Variants in GALNT18 observed in about 807,000 individuals in gnomAD.
GALNT18 encodes the protein polypeptide N-acetylgalactosaminyltransferase 18.
Under a neutral mutation model 69.5 loss-of-function variants are expected in GALNT18, and 44 were observed. The observed-to-expected ratio is 0.63, with a 90% CI of 0.50 to 0.81. The LOEUF (loss-of-function observed/expected upper bound fraction) is 0.81. Among genes scored for constraint, GALNT18 ranks in the 40% least tolerant of loss-of-function variants. The pLI is 0.00. For synonymous variants in GALNT18, 364 were observed against 318.2 expected (o/e 1.14, Z -1.53); for missense variants, 715 against 810.0 (o/e 0.88, Z 1.42).
At position 11,332,564 on chromosome 11, in the gene GALNT18, C is replaced by T. The variant is rs1167860029; in HGVS notation, c.1416+130G>A. The T allele has an allele frequency of 1.9e-5, 19 of 1,003,706 alleles. No homozygotes were observed. In the East Asian group the frequency reaches 2.6e-4, roughly 14 times the overall value. The allele number at this position is 1,003,706 out of a possible 1,614,324, so 62.2% of individuals were successfully genotyped here. ...GCTGTCTTGCAGGTGCAGAACCCAG[C>T]GCCCGGTCCCCAGGCCTACTGCAGT... is the stretch of plus-strand genomic sequence containing the variant. On this transcript the variant is annotated intron_variant, in intron 8 of 10. Coordinates refer to ENST00000227756, the MANE Select transcript of GALNT18 (RefSeq NM_198516.3). The surrounding 1 kb of genome is among the most constrained non-coding windows in gnomAD (Gnocchi z 4.3).
rs556523670 is a variant in GALNT18, at chr11:11,366,903, C to T, written c.1092+5612G>A. 9.2e-5 allele frequency among the ~76,000 whole-genome samples: 14 copies of T among 152,274 alleles called. No individual in the cohort carries two copies. The South Asian group carries it at 2.9e-3, about 32-fold the overall frequency. The stretch of plus-strand genomic sequence containing the variant: ...AAAAACCTAGGAGAGGGGATGAAAA[C>T]TGGCAGACTAGGACAACAGAAAGAT... On this transcript the variant is annotated intron_variant, in intron 6 of 10. Coordinates refer to ENST00000227756, the MANE Select transcript of GALNT18 (RefSeq NM_198516.3).
rs1211772568 is a variant in GALNT18 at position 11,612,006 on chromosome 11, T to C, written c.235+9353A>G. On this transcript the variant is annotated intron_variant, in intron 1 of 10. Coordinates refer to ENST00000227756, the MANE Select transcript of GALNT18 (RefSeq NM_198516.3). Reference sequence around the variant, plus strand: ...CCTCTGAGCTTACACTCAAACACCATGTTTGATAAGATGATCTCCCATTCC... The same window carrying C: ...CCTCTGAGCTTACACTCAAACACCACGTTTGATAAGATGATCTCCCATTCC... Among the ~76,000 whole-genome samples, 4 of 152,144 alleles carry C rather than the reference T, an allele frequency of 2.6e-5. No individual in the cohort carries two copies. In the South Asian group the frequency reaches 6.2e-4, roughly 24 times the overall value.
chr11:11,522,266 C>T (rs1184625025), intron 1 of GALNT18, among the ~76,000 whole-genome samples: 1 of 152,210 alleles, frequency 6.6e-6, no homozygotes. Flanking sequence ...CTCTATGCCC[C>T]ATCTCTGAGA....
Position 11,538,903 on chromosome 11 carries a change from T to C in GALNT18, c.235+82456A>G, listed in dbSNP as rs1449266202. ...AACCTTCAGAGATCCCAGTAAAAGA[T>C]GCTTTGTCAACAGAGGTGCCCCCCA... On this transcript the variant is annotated intron_variant, in intron 1 of 10. Coordinates refer to ENST00000227756, the MANE Select transcript of GALNT18 (RefSeq NM_198516.3). This position sits in a 1 kb window ranked among gnomAD's most constrained non-coding sequence, Gnocchi z 5.2. 6.6e-6 allele frequency among the ~76,000 whole-genome samples: 1 copy of C among 152,132 alleles called. No individual in the cohort carries two copies. Among genetic ancestry groups the C allele is most frequent in the Non-Finnish European group, 1.5e-5 (1 of 68,016 alleles).
In GALNT18 at chr11:11,337,791, T is replaced by C. The variant is rs951698350; in HGVS notation, c.1278+3028A>G. Among the ~76,000 whole-genome samples the C allele has an allele frequency of 6.6e-6, 1 of 151,968 alleles. No individual in the cohort carries two copies. The highest frequency in any genetic ancestry group is 1.5e-5 in the Non-Finnish European group (1 of 68,006). On this transcript the variant is annotated intron_variant, in intron 7 of 10. Transcript: ENST00000227756. This position sits in a 1 kb window ranked among gnomAD's most constrained non-coding sequence, Gnocchi z 4.9. ...GACGGTATGTAATGGGCAGTTCCCA[T>C]AGTCCACGCAACGTATGCAGACTTC...
rs1037122541 is a variant in GALNT18, at chr11:11,389,600, T to C, written c.596-10336A>G. On this transcript the variant is annotated intron_variant, in intron 3 of 10. Transcript: ENST00000227756. This position sits in a 1 kb window ranked among gnomAD's most constrained non-coding sequence, Gnocchi z 4.3. The stretch of plus-strand genomic sequence containing the variant: ...TAAAAATGCCATGATAGGTGACTGA[T>C]GTCAGCTGTGTCCAGGCAGGAGTGG... Among the ~76,000 whole-genome samples the C allele has an allele frequency of 2.0e-5, 3 of 152,194 alleles. No homozygotes were observed. The highest frequency in any genetic ancestry group is 7.2e-5 in the African/African-American group (3 of 41,458).
chr11:11,619,576 C>T lies in GALNT18; in HGVS notation c.235+1783G>A, dbSNP rs1376829514. ...CCTCCTGCCTGACCAGAAAGAAAAG[C>T]ACAAGAGAATCATTTTCCAGGAACA... On this transcript the variant is annotated intron_variant, in intron 1 of 10. Coordinates refer to ENST00000227756, the MANE Select transcript of GALNT18 (RefSeq NM_198516.3). The surrounding 1 kb of genome is among the most constrained non-coding windows in gnomAD (Gnocchi z 4.9). Among the ~76,000 whole-genome samples the T allele has an allele frequency of 6.6e-6, 1 of 152,088 alleles. No homozygotes were observed. Among genetic ancestry groups the T allele is most frequent in the Non-Finnish European group, 1.5e-5 (1 of 68,016 alleles).
At chr11:11,508,084 T>C (rs1298131158) in intron 1 of GALNT18, among the ~76,000 whole-genome samples, 1 of 152,232 alleles carries the variant, frequency 6.6e-6, no homozygotes, top group Non-Finnish European at 1.5e-5. Flanking sequence ...TAATATACAT[T>C]CCATGTTTAA....
At position 11,315,022 on chromosome 11, in the gene GALNT18, G is replaced by C. The variant is rs889422325; in HGVS notation, c.1512+12064C>G. 6.7e-6 allele frequency among the ~76,000 whole-genome samples: 1 copy of C among 148,190 alleles called. No homozygotes were observed. The highest frequency in any genetic ancestry group is 2.5e-5 in the African/African-American group (1 of 39,882). ...ATACTGAAAGTGTCTAGCAGAGATG[G>C]ACACATACTAATTATATGTGTGTGT... On this transcript the variant is annotated intron_variant, in intron 9 of 10. Coordinates refer to ENST00000227756, the MANE Select transcript of GALNT18 (RefSeq NM_198516.3). This position sits in a 1 kb window ranked among gnomAD's most constrained non-coding sequence, Gnocchi z 5.6.
rs756301017 is a variant in GALNT18, at chr11:11,415,411, T to C, written c.595+17210A>G. ...AGTTGCCGAATGAGAAAATAACGTG[T>C]CCTTGTAGCCACCTACTTGTATAAT... is the stretch of plus-strand genomic sequence containing the variant. On this transcript the variant is annotated intron_variant, in intron 3 of 10. Coordinates refer to ENST00000227756, the MANE Select transcript of GALNT18 (RefSeq NM_198516.3). The surrounding 1 kb of genome is among the most constrained non-coding windows in gnomAD (Gnocchi z 4.1). Among the ~76,000 whole-genome samples, 12 of 152,204 alleles carry C rather than the reference T, an allele frequency of 7.9e-5. No homozygotes were observed. Among genetic ancestry groups the C allele is most frequent in the South Asian group, 2.1e-4 (1 of 4,828 alleles).
At chr11:11,408,383 A>C (rs980765859) in intron 3 of GALNT18, among the ~76,000 whole-genome samples, 2 of 133,914 alleles carry the variant, frequency 1.5e-5, no homozygotes, top group Non-Finnish European at 3.1e-5. Flanking sequence ...AAAAAAAAAA[A>C]AAAAAAAGGA....
At chr11:11,304,817 A>G (rs1342915258) in intron 9 of GALNT18, among the ~76,000 whole-genome samples, 6 of 152,196 alleles carry the variant, frequency 3.9e-5, no homozygotes, top group African/African-American at 1.4e-4. Flanking sequence ...CATGTGATAC[A>G]CTGTCTTTTT....
chr11:11,349,085 T>C (rs780146695), intron 6 of GALNT18, among the ~76,000 whole-genome samples: 73 of 152,258 alleles, frequency 4.8e-4, no homozygotes, highest in Non-Finnish European at 3.7e-4. Flanking sequence ...TGCCTGTTTG[T>C]GAACGCTATA....
chr11:11,346,239 C>T (rs1485120620), intron 6 of GALNT18, among the ~76,000 whole-genome samples: 4 of 152,144 alleles, frequency 2.6e-5, no homozygotes, highest in South Asian at 4.1e-4. Flanking sequence ...GCCATGGAAA[C>T]AGGATCGTGT....
intron 1 of GALNT18, among the ~76,000 whole-genome samples, chr11:11,526,265 T>A (rs1308302972): frequency 6.6e-6 from 1 of 152,090 alleles, no homozygotes; most frequent in African/African-American, 2.4e-5. Context: ...CCGCAAGCCA[T>A]GGGCCCGGCC....
intron 1 of GALNT18, among the ~76,000 whole-genome samples, chr11:11,569,917 A>G (rs4910386): frequency 0.81 from 123,766 of 152,014 alleles, 50,484 homozygotes; most frequent in East Asian, 0.86. Context: ...AGGAAAGAGA[A>G]GAACTTTGGT....
In GALNT18 at chr11:11,293,259, G is replaced by T. The variant is rs1045614537; in HGVS notation, c.1513-66C>A. The T allele has an allele frequency of 4.7e-6, 6 of 1,267,838 alleles. No individual in the cohort carries two copies. In the East Asian group the frequency reaches 1.1e-4, roughly 24 times the overall value. The allele number at this position is 1,267,838 out of a possible 1,614,324, so 78.5% of individuals were successfully genotyped here. A position where few individuals can be genotyped will look rare whatever the true frequency, so the allele number is the denominator to read the frequency against. On this transcript the variant is annotated intron_variant, in intron 9 of 10. Coordinates refer to ENST00000227756, the MANE Select transcript of GALNT18 (RefSeq NM_198516.3). Reference sequence around the variant, plus strand: ...TGGCCACGGAGACAGGAGCATAGGTGGTGATTCTTCCAGGCAGCTGGCAGA... The same window carrying T: ...TGGCCACGGAGACAGGAGCATAGGTTGTGATTCTTCCAGGCAGCTGGCAGA...
intron 1 of GALNT18, among the ~76,000 whole-genome samples, chr11:11,528,638 G>A (rs771300547): frequency 6.6e-5 from 10 of 152,196 alleles, no homozygotes; most frequent in Non-Finnish European, 1.2e-4. Flanking sequence ...GATGGGCTAT[G>A]CGGGGCAAGA....
chr11:11,362,976 A>G (rs1564910879), intron 6 of GALNT18, among the ~76,000 whole-genome samples: 1 of 152,234 alleles, frequency 6.6e-6, no homozygotes, highest in Non-Finnish European at 1.5e-5. Flanking sequence ...TGCAACCGTA[A>G]GAAAGGAATG....
Sources: gnomAD v4.1 joint callset for allele counts (sites outside exome capture counted in the v4.1 genomes callset) on GRCh38, gnomAD v4.1.1 for gene constraint, Gnocchi (gnomAD v3.1) non-coding constraint, MANE v1.5 for transcripts, NCBI Gene and HGNC (gene_info 2026-07-23, HGNC 2026-07-21) for gene names.